The following LAMA5 variants were observed in gnomAD, a reference collection of about 807,000 sequenced individuals.
LAMA5 encodes the protein laminin subunit alpha 5.
In LAMA5, 260 loss-of-function variants were observed where a neutral mutation model predicts 433.4. That is an observed-to-expected ratio of 0.60 (90% confidence interval 0.54 to 0.66). The LOEUF (loss-of-function observed/expected upper bound fraction) is 0.66. Ranked by LOEUF, LAMA5 falls within the 30% of genes least tolerant of loss-of-function variation. The pLI, the probability that LAMA5 is intolerant of heterozygous loss-of-function variation, is 0.00. For synonymous variants in LAMA5, 2,620 were observed against 2,226.6 expected (o/e 1.18, Z -4.97); for missense variants, 5,378 against 5,258.5 (o/e 1.02, Z -0.70).
At chr20:62,330,347 GGCAGC>G in intron 31 of LAMA5, 136 bp downstream of exon 31, 2 of 1,235,450 alleles carry the variant, frequency 1.6e-6, no homozygotes, top group Non-Finnish European at 2.2e-6. Context: ...GGGCTGCAAG[GGCAGC>G]TAGTTTGAGA....
rs760190265 is a variant in LAMA5 at position 62,333,593 on chromosome 20, G to A, written c.2992C>T (p.Leu998=). 2.5e-6 allele frequency: 4 copies of A among 1,571,170 alleles called. No homozygotes were observed. In the African/African-American group the frequency reaches 4.0e-5, roughly 16 times the overall value. ...PFVLNPGTWA[L]RVEAEGVLLD... ...AGCACCCCTTCGGCCTCCACACGCA[G>A]GGCCCAGGTGCCAGGGTTCAGCACA... The change falls in exon 24 of 80, where the codon CTG becomes TTG. Residue 998 remains leucine, a synonymous_variant. Coordinates refer to ENST00000252999, the MANE Select transcript of LAMA5 (RefSeq NM_005560.6).
chr20:62,339,175 A>T (rs1982180861), intron 11 of LAMA5, among the ~76,000 whole-genome samples: 1 of 152,114 alleles, frequency 6.6e-6, no homozygotes, highest in African/African-American at 2.4e-5. Context: ...ATTAACACAA[A>T]GAGAAAATAC....
In LAMA5 at chr20:62,319,683, C is replaced by A; in HGVS notation, c.6871+1G>T. On this transcript the variant is annotated splice_donor_variant, in intron 51 of 79. Coordinates refer to ENST00000252999, the MANE Select transcript of LAMA5 (RefSeq NM_005560.6). LOFTEE classifies it high-confidence loss of function. Reference sequence around the variant, plus strand: ...CTGAGCCTGGCTGGGCTGGCCCCTACCGCTCAGGGTGCGGTCCACAGCCCG... The same window carrying A: ...CTGAGCCTGGCTGGGCTGGCCCCTAACGCTCAGGGTGCGGTCCACAGCCCG... 1 of 1,537,524 alleles carries A rather than the reference C, an allele frequency of 6.5e-7. No individual in the cohort carries two copies. The highest frequency in any genetic ancestry group is 8.8e-7 in the Non-Finnish European group (1 of 1,142,792).
intron 1 of LAMA5, 73 bp downstream of exon 1, chr20:62,366,876 C>T (rs1315351164): frequency 8.1e-7 from 1 of 1,228,516 alleles, no homozygotes; most frequent in Non-Finnish European, 1.0e-6. Flanking sequence ...CACGGCGCTC[C>T]CCCTGGGGTC....
Position 62,314,718 on chromosome 20 carries a change from A to T in LAMA5, c.8204T>A (p.Val2735Glu). 6.2e-7 allele frequency: 1 copy of T among 1,612,494 alleles called. No individual in the cohort carries two copies. Among genetic ancestry groups the T allele is most frequent in the Non-Finnish European group, 8.5e-7 (1 of 1,179,782 alleles). The part of the protein sequence containing the change: ...QARGAASKVK[V>E]PMKFNGRSGV... ...TGAGCGCCCGTTGAACTTCATGGGC[A>T]CCTTGACCTGCGGGGCACGGTCCAT... Residue 2735 changes from valine to glutamate, a missense_variant, in exon 61 of 80, where the codon GTG becomes GAG. Transcript: ENST00000252999.
intron 6 of LAMA5, among the ~76,000 whole-genome samples, chr20:62,348,208 A>AGAGAAACAATGT (rs1459997234): frequency 6.6e-6 from 1 of 152,226 alleles, no homozygotes; most frequent in Non-Finnish European, 1.5e-5. Flanking sequence ...AAGACCTTGC[A>AGAGAAACAATGT]GAGAAACAAT....
chr20:62,322,343 C>A lies in LAMA5; in HGVS notation c.6272G>T (p.Arg2091Leu), dbSNP rs768141178. 6 of 1,596,280 alleles carry A rather than the reference C, an allele frequency of 3.8e-6. No homozygotes were observed. The highest frequency in any genetic ancestry group is 2.3e-5 in the South Asian group (2 of 88,840). ...CHPQSGQCHC[R>L]PGTMGPQCRE... is the part of the protein sequence containing the mutation. ...GCACTGGGGTCCCATGGTCCCTGGTCGGCAGTGGCACTGTCCGCTCTGGGG... is the reference window on the plus strand; with the variant it reads ...GCACTGGGGTCCCATGGTCCCTGGTAGGCAGTGGCACTGTCCGCTCTGGGG... The change falls in exon 47 of 80, where the codon CGA (arginine) becomes CTA (leucine). Residue 2091 changes from arginine to leucine, a missense_variant. Physicochemically the swap from Arg to Leu is moderately radical, Grantham distance 102 (BLOSUM62 -2). Coordinates refer to ENST00000252999, the MANE Select transcript of LAMA5 (RefSeq NM_005560.6).
At position 62,338,373 on chromosome 20, in the gene LAMA5, C is replaced by A; in HGVS notation, c.1619-4G>T. ...CCAGGGCTGGAACACTGGCAGGCTGCAGGAAAGGGTGGCCCACATGCTTGG... is the reference window on the plus strand; with the variant it reads ...CCAGGGCTGGAACACTGGCAGGCTGAAGGAAAGGGTGGCCCACATGCTTGG... On this transcript the variant is annotated splice_polypyrimidine_tract_variant and splice_region_variant and intron_variant, in intron 12 of 79. Coordinates refer to ENST00000252999, the MANE Select transcript of LAMA5 (RefSeq NM_005560.6). 6.2e-7 allele frequency: 1 copy of A among 1,606,958 alleles called. No homozygotes were observed.
chr20:62,319,888 C>A, intron 50 of LAMA5, 93 bp from the exon 51 acceptor site: 1 of 950,060 alleles, frequency 1.1e-6, no homozygotes, highest in Non-Finnish European at 1.6e-6. Context: ...GCCGAGGGTC[C>A]CAGGGAAGAG....
rs1490068987 is a variant in LAMA5 at position 62,351,797 on chromosome 20, T to C, written c.863A>G (p.Tyr288Cys). ...LRDPTVTRRY[Y>C]YSIKDISIGG... ...GATGCTGATATCCTTGATGCTGTAA[T>C]AATACTGCACCCGCAGGCCCCGTGA... Residue 288 changes from tyrosine to cysteine, a missense_variant, in exon 6 of 80, where the codon TAT becomes TGT. Transcript: ENST00000252999. The C allele has an allele frequency of 1.2e-6, 2 of 1,607,650 alleles. No homozygotes were observed. Among genetic ancestry groups the C allele is most frequent in the African/African-American group, 1.3e-5 (1 of 74,906 alleles).
In LAMA5 at chr20:62,323,573, C is replaced by T. The variant is rs139308388; in HGVS notation, c.5947G>A (p.Asp1983Asn). Residue 1983 changes from aspartate (D) to asparagine (N), a missense_variant, in exon 45 of 80, where the codon GAC (aspartate) becomes AAC (asparagine). By Grantham distance (23) the Asp-to-Asn change is conservative. Coordinates refer to ENST00000252999, the MANE Select transcript of LAMA5 (RefSeq NM_005560.6). Reference protein sequence around the residue: ...GNGDPNLLFSDCDPLTGACRG... With the variant: ...GNGDPNLLFSNCDPLTGACRG... ...CAGGCGCCCGTCAGGGGGTCGCAGT[C>T]GCTGAAGAGCAAGTTGGGGTCACCG... 1.6e-5 allele frequency: 26 copies of T among 1,606,882 alleles called. No homozygotes were observed. The highest frequency in any genetic ancestry group is 9.0e-5 in the East Asian group (4 of 44,608).
intron 1 of LAMA5, among the ~76,000 whole-genome samples, chr20:62,363,220 TG>T (rs762461429): frequency 1.4e-4 from 22 of 152,260 alleles, no homozygotes; most frequent in African/African-American, 5.1e-4. Context: ...CGGAGGCCTG[TG>T]GGGACCGGCC....
rs1156250327 is a variant in LAMA5, at chr20:62,323,488, T to G, written c.6032A>C (p.Tyr2011Ser). 2 of 1,551,564 alleles carry G rather than the reference T, an allele frequency of 1.3e-6. No individual in the cohort carries two copies. Among genetic ancestry groups the G allele is most frequent in the Non-Finnish European group, 1.7e-6 (2 of 1,149,734 alleles). ...PRCEICAPGFYGNALLPGNCT... is the reference protein window; with the variant it reads ...PRCEICAPGFSGNALLPGNCT... The stretch of plus-strand genomic sequence containing the variant: ...GTTGCCGGGCAGCAGGGCGTTGCCG[T>G]AGAAGCCGGGGGCACAGATCTCGCA... The change falls in exon 45 of 80, where the codon TAC (tyrosine) becomes TCC (serine). Residue 2011 changes from tyrosine to serine, a missense_variant. By Grantham distance (144) the Tyr-to-Ser change is moderately radical (BLOSUM62 -2). Coordinates refer to ENST00000252999, the MANE Select transcript of LAMA5 (RefSeq NM_005560.6).
intron 11 of LAMA5, 107 bp from the exon 12 acceptor site, chr20:62,338,715 A>G: frequency 9.0e-7 from 1 of 1,116,212 alleles, no homozygotes; most frequent in Non-Finnish European, 1.3e-6. Context: ...ACACTTTTAC[A>G]CAACACTAAC....
chr20:62,310,046 G>C lies in LAMA5; in HGVS notation c.10770C>G (p.Phe3590Leu). 6.2e-7 allele frequency: 1 copy of C among 1,611,340 alleles called. No homozygotes were observed. The change falls in exon 78 of 80, where the codon TTC becomes TTG. Residue 3590 changes from phenylalanine to leucine, a missense_variant. Coordinates refer to ENST00000252999, the MANE Select transcript of LAMA5 (RefSeq NM_005560.6). Reference protein sequence around the residue: ...LLRADDGAGEFSTSVTRPSVL... With the variant: ...LLRADDGAGELSTSVTRPSVL... ...CTGAGGGGCGGGTCACTGACGTGGA[G>C]AACTCCCCTGCTCCGTCATCCGCCC...
chr20:62,342,385 CAG>C (rs1336107905), intron 11 of LAMA5: 1 of 288,600 alleles, frequency 3.5e-6, no homozygotes, highest in Non-Finnish European at 7.0e-6. Flanking sequence ...TGTTGAAAAA[CAG>C]GTATCAGAGA....
At position 62,322,062 on chromosome 20, in the gene LAMA5, C is replaced by CG. The variant is rs1381730851; in HGVS notation, c.6452_6453insC (p.Pro2152AlafsTer14). 6.2e-7 allele frequency: 1 copy of CG among 1,600,144 alleles called. No homozygotes were observed. The highest frequency in any genetic ancestry group is 8.5e-7 in the Non-Finnish European group (1 of 1,179,468). ...GGCCCACAGGCCCGCCTGGAACAGG[C>CG]ACCTGATGCTGCTGGCTGCAGGTGT... On this transcript the variant is annotated frameshift_variant, in exon 48 of 80. Coordinates refer to ENST00000252999, the MANE Select transcript of LAMA5 (RefSeq NM_005560.6). LOFTEE classifies it high-confidence loss of function.
chr20:62,362,274 C>G (rs2146367849), intron 2 of LAMA5, 126 bp downstream of exon 2: 4 of 981,864 alleles, frequency 4.1e-6, no homozygotes, highest in Non-Finnish European at 4.1e-6. Context: ...TCCTTCGTGT[C>G]CAGCCTCCCA....
intron 48 of LAMA5, 53 bp from the exon 49 acceptor site, chr20:62,320,943 A>G: frequency 6.5e-7 from 1 of 1,542,624 alleles, no homozygotes; most frequent in South Asian, 1.2e-5. Context: ...GCCAGGGGAG[A>G]ATGATCAGCT....
Sources: gnomAD v4.1 joint callset for allele counts (sites outside exome capture counted in the v4.1 genomes callset) on GRCh38, gnomAD v4.1.1 for gene constraint, MANE v1.5 for transcripts, NCBI Gene and HGNC (gene_info 2026-07-23, HGNC 2026-07-21) for gene names.